Variants in TDRD12 observed in about 807,000 individuals in gnomAD.
TDRD12 encodes putative ATP-dependent RNA helicase TDRD12.
In TDRD12, 158 loss-of-function variants were observed where a neutral mutation model predicts 133.5. That is an observed-to-expected ratio of 1.18 (90% CI 1.04 to 1.35). The LOEUF is 1.35. Ranked by LOEUF, TDRD12 falls within the 40% of genes most tolerant of loss-of-function variation. The pLI is 0.00. For synonymous variants in TDRD12, 460 were observed against 477.9 expected (o/e 0.96, Z 0.49); for missense variants, 1,443 against 1,321.3 (o/e 1.09, Z -1.43).
At chr19:32,801,795 A>G (rs1971397129) in exon 19 of TDRD12, 1 of 1,475,592 alleles carries the variant, frequency 6.8e-7, no homozygotes, top group Admixed American at 2.1e-5. Flanking sequence ...GAAGATGCAT[A>G]AAGAAATGAT....
In TDRD12 at chr19:32,781,591, G is replaced by T. The variant is rs148131201; in HGVS notation, c.1121+4362G>T. ...ATCTTCACACTTGATCAATAGTTTG[G>T]GTATACATTTTGAAGACATTTCTAC... On this transcript the variant is annotated intron_variant, in intron 11 of 27. Transcript: ENST00000444215. 9.2e-3 allele frequency among the ~76,000 whole-genome samples: 1,403 copies of T among 151,864 alleles called. 28 individuals carry two copies. Among genetic ancestry groups the T allele is most frequent in the African/African-American group, 0.032 (1,317 of 41,416 alleles).
chr19:32,806,429 G>A (rs777497601), intron 21 of TDRD12, among the ~76,000 whole-genome samples: 13 of 142,556 alleles, frequency 9.1e-5, no homozygotes, highest in East Asian at 2.3e-4. Context: ...TGAAACCTCC[G>A]CCTCCCGTGT....
chr19:32,760,790 G>A (rs1248648670), intron 8 of TDRD12, among the ~76,000 whole-genome samples: 4 of 152,190 alleles, frequency 2.6e-5, no homozygotes, highest in African/African-American at 9.7e-5. Flanking sequence ...AACAAAGTCT[G>A]TGCTTCCATA....
chr19:32,739,233 C>A (rs966597840), intron 3 of TDRD12, among the ~76,000 whole-genome samples: 2 of 152,164 alleles, frequency 1.3e-5, no homozygotes. Flanking sequence ...TCCGTCCTGG[C>A]AGGACAGGCA....
At chr19:32,755,882 TA>T in intron 6 of TDRD12, 109 bp from the exon 7 acceptor site, 1 of 801,960 alleles carries the variant, frequency 1.2e-6, no homozygotes, top group Non-Finnish European at 1.8e-6. Flanking sequence ...TTATGTTCTG[TA>T]AAATAATTTC....
In TDRD12 at chr19:32,804,453, G is replaced by T. The variant is rs190979693; in HGVS notation, c.2552+1311G>T. On this transcript the variant is annotated intron_variant, in intron 21 of 27. Coordinates refer to ENST00000444215, the Ensembl canonical transcript of TDRD12. ...TCACACCTGTAATCCCAGCACTTCGGGAGGCCGAGGCAGGCAGATCACAAG... is the reference window on the plus strand; with the variant it reads ...TCACACCTGTAATCCCAGCACTTCGTGAGGCCGAGGCAGGCAGATCACAAG... Among the ~76,000 whole-genome samples the T allele has an allele frequency of 5.5e-3, 837 of 151,100 alleles. 8 individuals are homozygous for T. The highest frequency in any genetic ancestry group is 9.3e-3 in the Non-Finnish European group (628 of 67,676).
chr19:32,819,197 G>A (rs1244426640), intron 27 of TDRD12, among the ~76,000 whole-genome samples: 1 of 151,808 alleles, frequency 6.6e-6, no homozygotes, highest in East Asian at 1.9e-4. Flanking sequence ...CAAGCCTGTA[G>A]TTCTAGCTAC....
chr19:32,758,297 G>A (rs1970053909), intron 8 of TDRD12, among the ~76,000 whole-genome samples: 1 of 152,144 alleles, frequency 6.6e-6, no homozygotes. Flanking sequence ...TCAGAATGGG[G>A]AGTGCCTGCT....
At position 32,826,682 on chromosome 19, in the gene TDRD12, G is replaced by C. The variant is rs1967602046; in HGVS notation, c.1049+84G>C. 8.1e-7 allele frequency: 1 copy of C among 1,231,152 alleles called. No individual in the cohort carries two copies. The highest frequency in any genetic ancestry group is 1.0e-6 in the Non-Finnish European group (1 of 987,664). 76.3% of individuals were successfully genotyped at this position (1,231,152 alleles called of 1,614,324 possible). ...TCACTGTCAGCTGTTCTCTTGAACA[G>C]AACCCCAACGTGGCTTTTGATTTTG... On this transcript the variant is annotated intron_variant, in intron 9 of 9. Transcript: ENST00000637289.
intron 4 of TDRD12, among the ~76,000 whole-genome samples, chr19:32,744,520 A>AAT (rs2078441455): frequency 6.6e-6 from 1 of 150,868 alleles, no homozygotes; most frequent in Admixed American, 6.6e-5. Flanking sequence ...AAAAAAAAAA[A>AAT]AAAACAAAAG....
chr19:32,806,996 A>G (rs1263315585), intron 21 of TDRD12, among the ~76,000 whole-genome samples: 1 of 152,032 alleles, frequency 6.6e-6, no homozygotes, highest in Non-Finnish European at 1.5e-5. Flanking sequence ...AATTTCAACT[A>G]TTTCTCAACG....
chr19:32,729,279 G>A (rs1160012923), intron 1 of TDRD12, among the ~76,000 whole-genome samples: 12 of 145,476 alleles, frequency 8.2e-5, no homozygotes, highest in South Asian at 2.2e-4. Context: ...GTGCAGTGGC[G>A]CAATCTCGGC....
exon 10 of TDRD12, chr19:32,827,357 T>TTTTGC (rs1555779714): frequency 8.2e-6 from 3 of 363,764 alleles, no homozygotes; most frequent in Non-Finnish European, 7.7e-6. Context: ...TAACCAAATC[T>TTTTGC]TTTTCTTTTC....
At chr19:32,786,562 A>G (rs1222286845) in intron 11 of TDRD12, among the ~76,000 whole-genome samples, 1 of 152,184 alleles carries the variant, frequency 6.6e-6, no homozygotes, top group Non-Finnish European at 1.5e-5. Context: ...AGGTACACCA[A>G]TCAAACATAG....
At chr19:32,811,606 A>G (rs945490450) in intron 24 of TDRD12, among the ~76,000 whole-genome samples, 186 bp downstream of exon 24, 3 of 152,210 alleles carry the variant, frequency 2.0e-5, no homozygotes, top group African/African-American at 7.2e-5. Context: ...GGCAGCTGCA[A>G]CACTGTCTTC....
At chr19:32,725,815 A>G (rs1376471641) in intron 1 of TDRD12, among the ~76,000 whole-genome samples, 1 of 152,010 alleles carries the variant, frequency 6.6e-6, no homozygotes, top group African/African-American at 2.4e-5. Context: ...CAGTACGGCC[A>G]TTTTCACGAT....
In TDRD12 at chr19:32,780,170, G is replaced by A. The variant is rs539535174; in HGVS notation, c.1121+2941G>A. Among the ~76,000 whole-genome samples the A allele has an allele frequency of 2.2e-3, 314 of 143,880 alleles. 2 individuals are homozygous for A. The highest frequency in any genetic ancestry group is 7.8e-3 in the African/African-American group (303 of 38,656). 94.4% of individuals were successfully genotyped at this position (143,880 alleles called of 152,430 possible). ...ACAATCTCGCCTTGCTGCAACCTCCGCCTCTCGGGTTCAAGCGATTCTCCT... is the reference window on the plus strand; with the variant it reads ...ACAATCTCGCCTTGCTGCAACCTCCACCTCTCGGGTTCAAGCGATTCTCCT... On this transcript the variant is annotated intron_variant, in intron 11 of 27. Coordinates refer to ENST00000444215, the Ensembl canonical transcript of TDRD12.
chr19:32,791,213 C>T, intron 13 of TDRD12, 145 bp downstream of exon 13: 1 of 845,740 alleles, frequency 1.2e-6, no homozygotes, highest in South Asian at 2.2e-5. Flanking sequence ...CAGGCATGAG[C>T]CACCACACTC....
rs1013643697 is a variant in TDRD12 at position 32,805,236 on chromosome 19, A to G, written c.2552+2094A>G. On this transcript the variant is annotated intron_variant, in intron 21 of 27. Coordinates refer to ENST00000444215, the Ensembl canonical transcript of TDRD12. ...ACACACACACATATATATATATATA[A>G]GCCAGCTGTGGTGGCACATGTCTGT... Among the ~76,000 whole-genome samples the G allele has an allele frequency of 5.0e-5, 7 of 141,244 alleles. 1 individual carries two copies. In the East Asian group the frequency reaches 1.4e-3, roughly 29 times the overall value. The allele number at this position is 141,244 out of a possible 152,430, so 92.7% of individuals were successfully genotyped here.
Sources: gnomAD v4.1 joint callset for allele counts (sites outside exome capture counted in the v4.1 genomes callset) on GRCh38, gnomAD v4.1.1 for gene constraint, MANE v1.5 for transcripts, NCBI Gene and HGNC (gene_info 2026-07-23, HGNC 2026-07-21) for gene names.